The following GPR39 variants were observed in gnomAD, a reference collection of about 807,000 sequenced individuals.
GPR39 encodes the protein zinc sensing receptor.
GPR39 carries 23 observed loss-of-function variants against 18.4 expected under a neutral mutation model. The ratio of observed to expected loss-of-function variants is 1.25; its 90% CI spans 0.90 to 1.77. GPR39 has a LOEUF of 1.77. Ranked by LOEUF, GPR39 falls within the 40% of genes most tolerant of loss-of-function variation. The probability of loss-of-function intolerance (pLI) is 0.00; values close to 1 mark genes in which losing one functional copy is unlikely to be tolerated. For synonymous variants in GPR39, 280 were observed against 257.9 expected, an observed-to-expected ratio of 1.09 and a Z score of -0.82; for missense variants, 647 against 602.4, an observed-to-expected ratio of 1.07 and a Z score of -0.78.
At position 132,566,669 on chromosome 2, in the gene GPR39, G is replaced by A. The variant is rs144447499; in HGVS notation, c.857-78432G>A. On this transcript the variant is annotated intron_variant, in intron 1 of 1. Transcript: ENST00000329321. The stretch of plus-strand genomic sequence containing the variant: ...AAAACTCAGTATTGGTGAGAGTGTG[G>A]GCTGGTGAAGGAGTGGGTGATTGAC... Among the ~76,000 whole-genome samples the A allele has an allele frequency of 2.0e-3, 310 of 152,320 alleles. 3 individuals carry two copies. Among genetic ancestry groups the A allele is most frequent in the African/African-American group, 7.3e-3 (303 of 41,578 alleles).
At chr2:132,619,989 C>T (rs1681411856) in intron 1 of GPR39, among the ~76,000 whole-genome samples, 1 of 152,142 alleles carries the variant, frequency 6.6e-6, no homozygotes, top group Admixed American at 6.5e-5. Flanking sequence ...AATCTCTGCC[C>T]TTTCTCGTGC....
intron 1 of GPR39, among the ~76,000 whole-genome samples, chr2:132,600,932 C>T (rs972049998): frequency 2.0e-5 from 3 of 152,116 alleles, no homozygotes; most frequent in Non-Finnish European, 4.4e-5. Flanking sequence ...TTTTTCTTCT[C>T]TCACCCTCCT....
chr2:132,564,113 T>C (rs1680305474), intron 1 of GPR39, among the ~76,000 whole-genome samples: 1 of 152,246 alleles, frequency 6.6e-6, no homozygotes, highest in African/African-American at 2.4e-5. Context: ...GTCAGGAACA[T>C]ATTTATCCTC....
At chr2:132,437,248 G>A (rs984139739) in intron 1 of GPR39, among the ~76,000 whole-genome samples, 1 of 152,232 alleles carries the variant, frequency 6.6e-6, no homozygotes, top group Non-Finnish European at 1.5e-5. Flanking sequence ...CTTTGAATGT[G>A]AAGTGCATTT....
At chr2:132,426,730 C>T (rs1176402621) in intron 1 of GPR39, among the ~76,000 whole-genome samples, 1 of 152,210 alleles carries the variant, frequency 6.6e-6, no homozygotes, top group Non-Finnish European at 1.5e-5. Flanking sequence ...TTCTGGCAAG[C>T]AGAGGGTTTA....
intron 1 of GPR39, among the ~76,000 whole-genome samples, chr2:132,543,711 G>A (rs1000462135): frequency 2.6e-5 from 4 of 152,200 alleles, no homozygotes; most frequent in African/African-American, 9.7e-5. Context: ...GTGGGGAAGA[G>A]GAATTTGTAA....
At chr2:132,632,451 A>G (rs892247827) in intron 1 of GPR39, among the ~76,000 whole-genome samples, 6 of 152,154 alleles carry the variant, frequency 3.9e-5, no homozygotes, top group African/African-American at 1.2e-4. Flanking sequence ...ACTTGTGGCC[A>G]TTTCAATTGA....
chr2:132,476,635 C>CAA (rs66464566), intron 1 of GPR39, among the ~76,000 whole-genome samples: 5 of 56,444 alleles, frequency 8.9e-5, no homozygotes, highest in Admixed American at 2.7e-4. Context: ...GACTCCATCT[C>CAA]AAAAAAAAAA....
At chr2:132,418,209 G>A (rs1430053102) in intron 1 of GPR39, among the ~76,000 whole-genome samples, 2 of 152,162 alleles carry the variant, frequency 1.3e-5, no homozygotes, top group Non-Finnish European at 2.9e-5. Context: ...TGGTAAAATG[G>A]GGACAATAAT....
intron 1 of GPR39, among the ~76,000 whole-genome samples, chr2:132,537,423 C>T (rs189060939): frequency 0.014 from 2,134 of 152,050 alleles, 35 homozygotes; most frequent in South Asian, 0.048. Flanking sequence ...TGTAGGATTT[C>T]TGCTGAGAAA....
rs1682029033 is a variant in GPR39, at chr2:132,645,670, C to T, written c.*64C>T. ...CAGCCCTAAGAAAACGTCACTCTCA[C>T]TCTGCAGTCTCAAACTATGCCCCCA... On this transcript the variant is annotated 3_prime_UTR_variant, in exon 2 of 2. Coordinates refer to ENST00000329321, the MANE Select transcript of GPR39 (RefSeq NM_001508.3). 1.3e-6 allele frequency: 2 copies of T among 1,546,522 alleles called. No individual in the cohort carries two copies. The highest frequency in any genetic ancestry group is 1.7e-6 in the Non-Finnish European group (2 of 1,148,304).
intron 1 of GPR39, among the ~76,000 whole-genome samples, chr2:132,474,543 C>T (rs1286118741): frequency 1.3e-5 from 2 of 152,198 alleles, no homozygotes; most frequent in Non-Finnish European, 2.9e-5. Context: ...CTTCAGCTCA[C>T]CAGCTTGTGC....
chr2:132,529,314 C>T (rs1679568521), intron 1 of GPR39, among the ~76,000 whole-genome samples: 1 of 152,206 alleles, frequency 6.6e-6, no homozygotes, highest in South Asian at 2.1e-4. Context: ...GGAGGGGCGC[C>T]CGCCATTGCC....
chr2:132,482,751 A>G (rs1681258594), intron 1 of GPR39, among the ~76,000 whole-genome samples: 1 of 152,198 alleles, frequency 6.6e-6, no homozygotes, highest in Non-Finnish European at 1.5e-5. Context: ...CTTACTCTAG[A>G]TTCCTTATTA....
chr2:132,562,536 T>A lies in GPR39; in HGVS notation c.857-82565T>A, dbSNP rs543215115. On this transcript the variant is annotated intron_variant, in intron 1 of 1. Coordinates refer to ENST00000329321, the MANE Select transcript of GPR39 (RefSeq NM_001508.3). ...TCATCCTTCAGTCCAGAATGCAATC[T>A]GTCCCCAGCCTATTCTCCTTCGTCT... Among the ~76,000 whole-genome samples the A allele has an allele frequency of 5.9e-5, 9 of 152,304 alleles. 1 individual carries two copies. The highest frequency in any genetic ancestry group is 5.9e-4 in the Admixed American group (9 of 15,306).
chr2:132,595,709 A>G (rs1287927024), intron 1 of GPR39, among the ~76,000 whole-genome samples: 6 of 152,138 alleles, frequency 3.9e-5, no homozygotes, highest in African/African-American at 1.4e-4. Flanking sequence ...TGGCTCAGTC[A>G]TCATAATGTG....
intron 1 of GPR39, among the ~76,000 whole-genome samples, chr2:132,447,406 C>T (rs1007267850): frequency 6.6e-6 from 1 of 152,178 alleles, no homozygotes; most frequent in African/African-American, 2.4e-5. Flanking sequence ...CATTTCGTTA[C>T]AATTTTCTGA....
At chr2:132,489,173 G>T in intron 1 of GPR39, 1 of 231,998 alleles carries the variant, frequency 4.3e-6, no homozygotes, top group South Asian at 7.6e-5. Flanking sequence ...CAGCAGTCTG[G>T]TACACAAATG....
chr2:132,423,451 G>T (rs1224586343), intron 1 of GPR39, among the ~76,000 whole-genome samples: 1 of 152,158 alleles, frequency 6.6e-6, no homozygotes, highest in Non-Finnish European at 1.5e-5. Flanking sequence ...ATGTGAATTT[G>T]CAGGGGACAC....
Sources: gnomAD v4.1 joint callset for allele counts (sites outside exome capture counted in the v4.1 genomes callset) on GRCh38, gnomAD v4.1.1 for gene constraint, MANE v1.5 for transcripts, NCBI Gene and HGNC (gene_info 2026-07-23, HGNC 2026-07-21) for gene names.